Variants in KMT2C observed in about 807,000 individuals in gnomAD.
The protein encoded by KMT2C is lysine methyltransferase 2C.
A neutral mutation model predicts 507.9 loss-of-function variants in KMT2C; 88 were observed. The observed-to-expected ratio is 0.17, with a 90% confidence interval of 0.15 to 0.21. The LOEUF (loss-of-function observed/expected upper bound fraction) is 0.21, where lower values mean the gene tolerates loss of function less well. Among genes scored for constraint, KMT2C ranks in the 10% least tolerant of loss-of-function variants. KMT2C has a pLI of 1.00. For missense variants in KMT2C, 4,954 were observed against 5,957.8 expected, an observed-to-expected ratio of 0.83 and a Z score of 5.55; for synonymous variants, 2,049 against 2,080.8, an observed-to-expected ratio of 0.98 and a Z score of 0.42.
At chr7:152,212,813 G>A (rs1486907181) in intron 23 of KMT2C, among the ~76,000 whole-genome samples, 1 of 152,240 alleles carries the variant, frequency 6.6e-6, no homozygotes, top group African/African-American at 2.4e-5. Context: ...GGCCAAGGCG[G>A]GTAGATCACC....
At chr7:152,214,554 C>T (rs62481494) in intron 23 of KMT2C, among the ~76,000 whole-genome samples, 2,859 of 152,150 alleles carry the variant, frequency 0.019, 46 homozygotes, top group South Asian at 0.041. Flanking sequence ...CTTTTTTCCC[C>T]CTCTTAACCA....
chr7:152,381,938 A>C (rs1280365185), intron 1 of KMT2C, among the ~76,000 whole-genome samples: 1 of 152,172 alleles, frequency 6.6e-6, no homozygotes, highest in Admixed American at 6.5e-5. Context: ...GTTTTTCTGA[A>C]GCTCAATGTC....
intron 2 of KMT2C, among the ~76,000 whole-genome samples, chr7:152,350,327 T>C (rs1224999809): frequency 6.6e-6 from 1 of 152,208 alleles, no homozygotes; most frequent in East Asian, 1.9e-4. Flanking sequence ...CGATGTGAAC[T>C]CACATTTGTA....
At chr7:152,300,876 G>A (rs1342682504) in intron 6 of KMT2C, among the ~76,000 whole-genome samples, 1 of 152,034 alleles carries the variant, frequency 6.6e-6, no homozygotes, top group Non-Finnish European at 1.5e-5. Flanking sequence ...TAGCCAACAT[G>A]GCGAAACCCC....
intron 1 of KMT2C, among the ~76,000 whole-genome samples, chr7:152,363,149 T>G (rs1409062857): frequency 6.6e-6 from 1 of 152,224 alleles, no homozygotes; most frequent in Non-Finnish European, 1.5e-5. Context: ...TATATTTCCA[T>G]ATTGAGTCAG....
At chr7:152,175,350 TC>T (rs993389709) in intron 38 of KMT2C, among the ~76,000 whole-genome samples, 3 of 151,924 alleles carry the variant, frequency 2.0e-5, no homozygotes, top group Non-Finnish European at 4.4e-5. Context: ...TACTTTAAAT[TC>T]TGGGATACTT....
intron 9 of KMT2C, among the ~76,000 whole-genome samples, chr7:152,255,260 G>C (rs2095642260): frequency 6.6e-6 from 1 of 150,434 alleles, no homozygotes; most frequent in South Asian, 2.1e-4. Flanking sequence ...TCGAACTCCT[G>C]GGCTCAAGTG....
In KMT2C at chr7:152,156,403, T is replaced by C. The variant is rs1028740720; in HGVS notation, c.11671-57A>G. On this transcript the variant is annotated intron_variant, in intron 44 of 58. Coordinates refer to ENST00000262189, the MANE Select transcript of KMT2C (RefSeq NM_170606.3). Reference sequence around the variant, plus strand: ...CTACTGAGCGAATATGCAATGACCTTGCTAAAACGTAGTTCTGTGAATTTT... The same window carrying C: ...CTACTGAGCGAATATGCAATGACCTCGCTAAAACGTAGTTCTGTGAATTTT... The C allele has an allele frequency of 2.3e-5, 37 of 1,586,586 alleles. No homozygotes were observed. In the South Asian group the frequency reaches 3.6e-4, roughly 16 times the overall value.
intron 24 of KMT2C, among the ~76,000 whole-genome samples, chr7:152,206,176 TAC>T (rs2094303577): frequency 6.6e-6 from 1 of 152,170 alleles, no homozygotes; most frequent in Non-Finnish European, 1.5e-5. Context: ...AGAGGTCTGG[TAC>T]ACAGTCAACA....
chr7:152,196,850 C>T (rs2093978587), intron 27 of KMT2C, among the ~76,000 whole-genome samples: 2 of 151,844 alleles, frequency 1.3e-5, no homozygotes, highest in Non-Finnish European at 2.9e-5. Flanking sequence ...GACATAAAGC[C>T]CCTGGGGCAA....
At chr7:152,416,362 G>A (rs562277209) in intron 1 of KMT2C, among the ~76,000 whole-genome samples, 289 of 152,324 alleles carry the variant, frequency 1.9e-3, no homozygotes, top group African/African-American at 6.6e-3. Flanking sequence ...TAGCTAACAC[G>A]GTGAAACCCC....
At position 152,275,240 on chromosome 7, in the gene KMT2C, AAAAG is replaced by A. The variant is rs1349138341; in HGVS notation, c.850-1377_850-1374del. ...TCCTGAGGGCTGAATCAGAAAGAAG[AAAAG>A]AAAGAGATACAAAAATTTGGCTGGG... On this transcript the variant is annotated intron_variant, in intron 6 of 58. Coordinates refer to ENST00000262189, the MANE Select transcript of KMT2C (RefSeq NM_170606.3). Among the ~76,000 whole-genome samples, 3 of 152,200 alleles carry A rather than the reference AAAAG, an allele frequency of 2.0e-5. No individual in the cohort carries two copies. The East Asian group carries it at 5.8e-4, about 29-fold the overall frequency.
chr7:152,321,204 CT>C (rs1188210226), intron 3 of KMT2C, among the ~76,000 whole-genome samples: 1 of 151,854 alleles, frequency 6.6e-6, no homozygotes, highest in Non-Finnish European at 1.5e-5. Context: ...ATTGCATAGC[CT>C]GGGCAACAGA....
chr7:152,218,844 T>A (rs576115510), intron 23 of KMT2C, among the ~76,000 whole-genome samples: 1 of 152,340 alleles, frequency 6.6e-6, no homozygotes, highest in Non-Finnish European at 1.5e-5. Flanking sequence ...TTACATCGGC[T>A]TCCTCACTGT....
At chr7:152,330,553 C>G (rs770138724) in intron 3 of KMT2C, 48 bp downstream of exon 3, 1 of 1,577,712 alleles carries the variant, frequency 6.3e-7, no homozygotes, top group Non-Finnish European at 8.7e-7. Flanking sequence ...CATTTCACTG[C>G]TTTATTCCTG....
At chr7:152,157,269 A>G (rs1489603921) in intron 44 of KMT2C, among the ~76,000 whole-genome samples, 1 of 150,220 alleles carries the variant, frequency 6.7e-6, no homozygotes, top group Admixed American at 6.7e-5. Flanking sequence ...CAGAGATTGC[A>G]GGGAGCTGAG....
At chr7:152,287,578 A>C (rs1468718051) in intron 6 of KMT2C, among the ~76,000 whole-genome samples, 1 of 152,236 alleles carries the variant, frequency 6.6e-6, no homozygotes, top group Non-Finnish European at 1.5e-5. Context: ...TAAAATGCAA[A>C]GGATTCAACC....
Position 152,144,583 on chromosome 7 carries a change from T to C in KMT2C, c.14343+130A>G. On this transcript the variant is annotated intron_variant, in intron 55 of 58. Coordinates refer to ENST00000262189, the MANE Select transcript of KMT2C (RefSeq NM_170606.3). The surrounding 1 kb of genome is among the most constrained non-coding windows in gnomAD (Gnocchi z 4.4). ...AGTGTTACCAAGGGACAGGATTTGA[T>C]ACGATTTTGAAAACACGTTTCTGTC... 3.4e-6 allele frequency: 3 copies of C among 889,092 alleles called. No homozygotes were observed. The highest frequency in any genetic ancestry group is 5.3e-6 in the Non-Finnish European group (3 of 571,418). The allele number at this position is 889,092 out of a possible 1,614,324, so 55.1% of individuals were successfully genotyped here.
At chr7:152,150,503 C>G (rs890430300) in intron 51 of KMT2C, among the ~76,000 whole-genome samples, 5 of 152,038 alleles carry the variant, frequency 3.3e-5, no homozygotes, top group Admixed American at 6.6e-5. Flanking sequence ...GTAATCCCAG[C>G]TACTCAGGAG....
Sources: gnomAD v4.1 joint callset for allele counts (sites outside exome capture counted in the v4.1 genomes callset) on GRCh38, gnomAD v4.1.1 for gene constraint, Gnocchi (gnomAD v3.1) non-coding constraint, MANE v1.5 for transcripts, NCBI Gene and HGNC (gene_info 2026-07-23, HGNC 2026-07-21) for gene names.